GRAMD2B: variants seen among roughly 807,000 people sequenced by gnomAD.
GRAMD2B encodes GRAM domain containing 2B, also known as GRAM domain-containing protein 2B.
Under a neutral mutation model 59.2 loss-of-function variants are expected in GRAMD2B, and 41 were observed. The ratio of observed to expected loss-of-function variants is 0.69; its 90% CI spans 0.54 to 0.90. GRAMD2B has a LOEUF of 0.90. Among genes scored for constraint, GRAMD2B ranks in the 40% least tolerant of loss-of-function variants. The pLI, the probability that GRAMD2B is intolerant of heterozygous loss-of-function variation, is 0.00. For synonymous variants in GRAMD2B, 161 were observed against 182.7 expected, an observed-to-expected ratio of 0.88 and a Z score of 0.96; for missense variants, 424 against 500.5, an observed-to-expected ratio of 0.85 and a Z score of 1.46.
chr5:126,362,088 TG>T (rs1484666147), intron 1 of GRAMD2B, among the ~76,000 whole-genome samples: 1 of 152,194 alleles, frequency 6.6e-6, no homozygotes, highest in Non-Finnish European at 1.5e-5. Flanking sequence ...TTATTACTAG[TG>T]GAGAATATTT....
chr5:126,363,511 T>A (rs1183750275), intron 1 of GRAMD2B, among the ~76,000 whole-genome samples: 1 of 152,188 alleles, frequency 6.6e-6, no homozygotes, highest in East Asian at 1.9e-4. Flanking sequence ...CAAATATCCA[T>A]AATAGCATTA....
At position 126,463,880 on chromosome 5, in the gene GRAMD2B, A is replaced by G. The variant is rs1196250628; in HGVS notation, c.84-1546A>G. 5.3e-5 allele frequency among the ~76,000 whole-genome samples: 8 copies of G among 152,212 alleles called. No homozygotes were observed. The East Asian group carries it at 1.5e-3, about 29-fold the overall frequency. ...CTAAAAATACAAAAATTAGCCAGGCATGGTGGCGTGCGCCTGTAATCCCAG... is the reference window on the plus strand; with the variant it reads ...CTAAAAATACAAAAATTAGCCAGGCGTGGTGGCGTGCGCCTGTAATCCCAG... On this transcript the variant is annotated intron_variant, in intron 1 of 13. Coordinates refer to ENST00000285689, the MANE Select transcript of GRAMD2B (RefSeq NM_023927.4).
At chr5:126,465,290 G>A (rs115368510) in intron 1 of GRAMD2B, 136 bp from the exon 2 acceptor site, 190 of 1,512,156 alleles carry the variant, frequency 1.3e-4, no homozygotes, top group Admixed American at 1.6e-4. Flanking sequence ...AAAGGGCCTC[G>A]CTGTCAAAGT....
intron 1 of GRAMD2B, among the ~76,000 whole-genome samples, chr5:126,429,650 T>C (rs1301536386): frequency 1.3e-5 from 2 of 152,110 alleles, no homozygotes; most frequent in Admixed American, 1.3e-4. Context: ...TGGGACATGC[T>C]ATGGGGTGGA....
Position 126,488,862 on chromosome 5 carries a change from G to A in GRAMD2B, c.1227G>A (p.Glu409=), listed in dbSNP as rs201035343. 25 of 1,613,622 alleles carry A rather than the reference G, an allele frequency of 1.5e-5. No individual in the cohort carries two copies. The highest frequency in any genetic ancestry group is 2.1e-5 in the Non-Finnish European group (25 of 1,179,650). ...TCAATGTGGAGGTTCTCTGTCAAGA[G>A]CTTACAGCTAACATAGTGAAATTAG... ...VQFNVEVLCQ[E]LTANIVKLEK... Residue 409 remains glutamate, a synonymous_variant, in exon 13 of 14, where the codon GAG becomes GAA. Transcript: ENST00000285689.
At chr5:126,480,405 C>A in intron 6 of GRAMD2B, 51 bp from the exon 7 acceptor site, 1 of 1,349,440 alleles carries the variant, frequency 7.4e-7, no homozygotes, top group Non-Finnish European at 1.1e-6. Flanking sequence ...TCTCAACTCT[C>A]ACTTCTCATC....
chr5:126,470,000 G>T (rs894967136), intron 3 of GRAMD2B, among the ~76,000 whole-genome samples: 2 of 152,176 alleles, frequency 1.3e-5, no homozygotes, highest in East Asian at 3.9e-4. Flanking sequence ...CACATTGCAT[G>T]GTAGTGAGTT....
intron 11 of GRAMD2B, among the ~76,000 whole-genome samples, chr5:126,486,417 T>C (rs890574652): frequency 6.6e-6 from 1 of 152,234 alleles, no homozygotes; most frequent in African/African-American, 2.4e-5. Flanking sequence ...ACTTCTAGCG[T>C]GTAACCAATT....
rs118146930 is a variant in GRAMD2B, at chr5:126,364,530, T to C, written c.128+4071T>C. Among the ~76,000 whole-genome samples the C allele has an allele frequency of 2.5e-3, 386 of 152,322 alleles. 13 individuals carry two copies. In the East Asian group the frequency reaches 0.072, roughly 28 times the overall value. ...TTTAACACAGATGGTCTGTTGCTGG[T>C]ACGTTTTCATTCTCTCAAGAGTCAC... On this transcript the variant is annotated intron_variant, in intron 1 of 13. Transcript: ENST00000513040.
At chr5:126,391,216 C>T (rs1437153501) in intron 1 of GRAMD2B, among the ~76,000 whole-genome samples, 2 of 150,618 alleles carry the variant, frequency 1.3e-5, no homozygotes, top group Non-Finnish European at 2.9e-5. Context: ...TGGCACACAC[C>T]TGTAGTCCCA....
intron 1 of GRAMD2B, among the ~76,000 whole-genome samples, chr5:126,459,234 G>T (rs1766908373): frequency 6.6e-6 from 1 of 152,096 alleles, no homozygotes; most frequent in Non-Finnish European, 1.5e-5. Context: ...AAAACTAGTT[G>T]TCATTAATAT....
chr5:126,365,202 C>T lies in GRAMD2B; in HGVS notation c.128+4743C>T, dbSNP rs1040278224. ...CTAAAAAAGCAGTATATTTTAAAAA[C>T]CTTAGTGGCACAAAGTTGTGAATGT... is the stretch of plus-strand genomic sequence containing the variant. On this transcript the variant is annotated intron_variant, in intron 1 of 13. Transcript: ENST00000513040. Among the ~76,000 whole-genome samples, 18 of 152,068 alleles carry T rather than the reference C, an allele frequency of 1.2e-4. No individual in the cohort carries two copies. In the East Asian group the frequency reaches 3.1e-3, roughly 26 times the overall value.
chr5:126,428,140 A>T (rs1176209754), intron 1 of GRAMD2B, among the ~76,000 whole-genome samples: 1 of 152,082 alleles, frequency 6.6e-6, no homozygotes, highest in Non-Finnish European at 1.5e-5. Flanking sequence ...GGCTGAGGTG[A>T]GAGACCTGGG....
At chr5:126,381,666 G>T (rs549376824) in intron 1 of GRAMD2B, among the ~76,000 whole-genome samples, 81 of 152,200 alleles carry the variant, frequency 5.3e-4, no homozygotes, top group Non-Finnish European at 9.3e-4. Context: ...CTTTTAACTG[G>T]AGCATTTAGG....
chr5:126,486,648 T>C (rs1428712680), intron 11 of GRAMD2B, among the ~76,000 whole-genome samples: 1 of 152,204 alleles, frequency 6.6e-6, no homozygotes. Context: ...GAAGGGCCAT[T>C]ATTTGCAAAT....
Position 126,493,260 on chromosome 5 carries a change from A to G in GRAMD2B, c.*304A>G, listed in dbSNP as rs919145445. Reference sequence around the variant, plus strand: ...CACACTCTCTTGGATAATTACCACGATGGCGTCAGCAAACACTCCACCCTG... The same window carrying G: ...CACACTCTCTTGGATAATTACCACGGTGGCGTCAGCAAACACTCCACCCTG... On this transcript the variant is annotated 3_prime_UTR_variant, in exon 14 of 14. Coordinates refer to ENST00000285689, the MANE Select transcript of GRAMD2B (RefSeq NM_023927.4). 1 of 346,386 alleles carries G rather than the reference A, an allele frequency of 2.9e-6. No individual in the cohort carries two copies. 21.5% of individuals were successfully genotyped at this position (346,386 alleles called of 1,614,324 possible).
At chr5:126,414,459 G>C (rs1759088710) in intron 1 of GRAMD2B, among the ~76,000 whole-genome samples, 2 of 152,162 alleles carry the variant, frequency 1.3e-5, no homozygotes, top group East Asian at 3.9e-4. Flanking sequence ...GTTTTCATCT[G>C]GTATTCTCGT....
Position 126,493,118 on chromosome 5 carries a change from A to G in GRAMD2B, c.*162A>G, listed in dbSNP as rs1271453964. 2 of 589,156 alleles carry G rather than the reference A, an allele frequency of 3.4e-6. No individual in the cohort carries two copies. Among genetic ancestry groups the G allele is most frequent in the Non-Finnish European group, 6.2e-6 (2 of 323,686 alleles). 36.5% of individuals were successfully genotyped at this position (589,156 alleles called of 1,614,324 possible). On this transcript the variant is annotated 3_prime_UTR_variant, in exon 14 of 14. Coordinates refer to ENST00000285689, the MANE Select transcript of GRAMD2B (RefSeq NM_023927.4). The stretch of plus-strand genomic sequence containing the variant: ...CTCCAGCTCAGGAAAGTGAGGAGGG[A>G]AATAATTTTGGTTCTTGTGCAATAA...
chr5:126,468,551 A>C (rs977136924), intron 2 of GRAMD2B, among the ~76,000 whole-genome samples: 9 of 151,994 alleles, frequency 5.9e-5, no homozygotes, highest in African/African-American at 2.2e-4. Flanking sequence ...GCAATGGTGC[A>C]ATATCAGCTC....
Sources: allele counts gnomAD v4.1 joint callset (sites outside exome capture counted in the v4.1 genomes callset), GRCh38; gene constraint gnomAD v4.1.1; transcripts MANE v1.5; gene names NCBI Gene and HGNC (gene_info 2026-07-23, HGNC 2026-07-21).